Variants in STXBP5 observed in about 807,000 individuals in gnomAD.
STXBP5 encodes the protein syntaxin-binding protein 5.
In STXBP5, 50 loss-of-function variants were observed where a neutral mutation model predicts 152.4. That is an observed-to-expected ratio of 0.33 (90% CI 0.26 to 0.42). The LOEUF (loss-of-function observed/expected upper bound fraction) is 0.42, where lower values mean the gene tolerates loss of function less well. Ranked by LOEUF, STXBP5 falls within the 10% of genes least tolerant of loss-of-function variation. The probability of loss-of-function intolerance (pLI) is 1.00; values close to 1 mark genes in which losing one functional copy is unlikely to be tolerated. For synonymous variants in STXBP5, 492 were observed against 494.7 expected, an observed-to-expected ratio of 0.99 and a Z score of 0.07; for missense variants, 1,167 against 1,388.6, an observed-to-expected ratio of 0.84 and a Z score of 2.54.
chr6:147,306,833 T>G (rs375478347), intron 9 of STXBP5, among the ~76,000 whole-genome samples: 10 of 152,204 alleles, frequency 6.6e-5, no homozygotes, highest in African/African-American at 2.4e-4. Context: ...CGTCATGCTG[T>G]CTCACTATCG....
chr6:147,318,583 G>A (rs554822700), intron 16 of STXBP5, among the ~76,000 whole-genome samples: 44 of 152,220 alleles, frequency 2.9e-4, no homozygotes, highest in African/African-American at 7.2e-4. Context: ...GAATGTTATG[G>A]CACACTATTA....
Position 147,267,074 on chromosome 6 carries a change from T to C in STXBP5, c.631-10T>C. The C allele has an allele frequency of 6.2e-7, 1 of 1,604,728 alleles. No individual in the cohort carries two copies. Among genetic ancestry groups the C allele is most frequent in the Non-Finnish European group, 8.5e-7 (1 of 1,177,312 alleles). The stretch of plus-strand genomic sequence containing the variant: ...ATTCCTAGGTAATGTGCCTTTTTCT[T>C]TTATCACAGCTTTTGATTGGCTTTG... On this transcript the variant is annotated splice_polypyrimidine_tract_variant and intron_variant, in intron 6 of 27. Transcript: ENST00000321680.
At chr6:147,319,458 G>C in intron 16 of STXBP5, among the ~76,000 whole-genome samples, 1 of 152,082 alleles carries the variant, frequency 6.6e-6, no homozygotes, top group Admixed American at 6.5e-5. Context: ...CATATGACAA[G>C]TGATTCATAA....
At chr6:147,213,113 A>T (rs1465582997) in intron 2 of STXBP5, among the ~76,000 whole-genome samples, 2 of 152,166 alleles carry the variant, frequency 1.3e-5, no homozygotes, top group East Asian at 1.9e-4. Flanking sequence ...GTAATTGTAT[A>T]GTGTAATAAC....
chr6:147,206,655 A>G (rs1450915171), intron 2 of STXBP5, among the ~76,000 whole-genome samples: 4 of 152,106 alleles, frequency 2.6e-5, no homozygotes, highest in South Asian at 2.1e-4. Flanking sequence ...CTCTTGATAT[A>G]CTTTTTCTCT....
chr6:147,337,214 C>CACACACACACACACACACACACACACACA (rs150169446), intron 19 of STXBP5, among the ~76,000 whole-genome samples: 4 of 147,266 alleles, frequency 2.7e-5, no homozygotes, highest in African/African-American at 5.1e-5. Flanking sequence ...CACACACACA[C>CACACACACACACACACACACACACACACA]AAGAAGTCAT....
At chr6:147,287,774 T>C (rs1215826069) in intron 8 of STXBP5, among the ~76,000 whole-genome samples, 5 of 152,214 alleles carry the variant, frequency 3.3e-5, no homozygotes, top group Non-Finnish European at 7.3e-5. Context: ...CTTTTGTTTC[T>C]ATGGAATAAA....
chr6:147,303,194 CATCTT>C (rs1242093245), intron 9 of STXBP5, among the ~76,000 whole-genome samples: 2 of 152,130 alleles, frequency 1.3e-5, no homozygotes, highest in Non-Finnish European at 2.9e-5. Flanking sequence ...ACCCACATCT[CATCTT>C]GAGTTGTAGT....
At chr6:147,302,604 C>T (rs1781876301) in intron 9 of STXBP5, among the ~76,000 whole-genome samples, 1 of 144,764 alleles carries the variant, frequency 6.9e-6, no homozygotes, top group Non-Finnish European at 1.6e-5. Context: ...ATCATGAGGT[C>T]AGGAGTTTGA....
At chr6:147,284,112 T>C (rs1780837471) in intron 8 of STXBP5, among the ~76,000 whole-genome samples, 2 of 152,228 alleles carry the variant, frequency 1.3e-5, no homozygotes, top group Admixed American at 1.3e-4. Context: ...TTTTATTCTT[T>C]TTTTGTACTA....
At chr6:147,294,515 T>A (rs956802366) in intron 9 of STXBP5, among the ~76,000 whole-genome samples, 2 of 152,096 alleles carry the variant, frequency 1.3e-5, no homozygotes, top group African/African-American at 4.8e-5. Flanking sequence ...GACAAACACC[T>A]AAAATGCAGT....
At chr6:147,294,414 C>T (rs1381669034) in intron 9 of STXBP5, among the ~76,000 whole-genome samples, 1 of 152,026 alleles carries the variant, frequency 6.6e-6, no homozygotes, top group Non-Finnish European at 1.5e-5. Context: ...ATATAAAGCA[C>T]TTGTAACGTG....
chr6:147,312,133 C>T (rs1402053690), intron 11 of STXBP5, among the ~76,000 whole-genome samples: 1 of 152,146 alleles, frequency 6.6e-6, no homozygotes, highest in Non-Finnish European at 1.5e-5. Flanking sequence ...ATTCCCAATA[C>T]CTGAAACACT....
intron 25 of STXBP5, among the ~76,000 whole-genome samples, chr6:147,369,690 ATTAT>A (rs1208677140): frequency 2.0e-5 from 3 of 152,028 alleles, no homozygotes; most frequent in Admixed American, 6.6e-5. Context: ...GATTCTCAAC[ATTAT>A]TTATCATTAG....
At chr6:147,225,673 G>A (rs984642924) in intron 2 of STXBP5, among the ~76,000 whole-genome samples, 3 of 152,180 alleles carry the variant, frequency 2.0e-5, no homozygotes, top group African/African-American at 2.4e-5. Context: ...TGGTAGTGAC[G>A]GTAGTGAAAA....
At chr6:147,233,271 A>G (rs76534171) in intron 2 of STXBP5, among the ~76,000 whole-genome samples, 80 of 151,894 alleles carry the variant, frequency 5.3e-4, no homozygotes, top group African/African-American at 1.8e-3. Flanking sequence ...TAGACTGTAT[A>G]TGAATGCTGC....
At chr6:147,216,530 A>G (rs1466497734) in intron 2 of STXBP5, among the ~76,000 whole-genome samples, 1 of 152,178 alleles carries the variant, frequency 6.6e-6, no homozygotes, top group African/African-American at 2.4e-5. Context: ...GGAAACTGAA[A>G]TTTTATCTAC....
At chr6:147,326,223 T>C (rs1455964877) in intron 17 of STXBP5, among the ~76,000 whole-genome samples, 1 of 152,162 alleles carries the variant, frequency 6.6e-6, no homozygotes, top group Non-Finnish European at 1.5e-5. Flanking sequence ...CTTTTAAATA[T>C]TTATTTTCCA....
At chr6:147,240,664 A>T (rs1778496920) in intron 4 of STXBP5, among the ~76,000 whole-genome samples, 1 of 152,238 alleles carries the variant, frequency 6.6e-6, no homozygotes, top group Non-Finnish European at 1.5e-5. Context: ...CAGTATAGTT[A>T]TAACAACTGT....
Sources: allele counts gnomAD v4.1 joint callset (sites outside exome capture counted in the v4.1 genomes callset), GRCh38; gene constraint gnomAD v4.1.1; transcripts MANE v1.5; gene names NCBI Gene and HGNC (gene_info 2026-07-23, HGNC 2026-07-21).